KMT5B: variants seen among roughly 807,000 people sequenced by gnomAD.
KMT5B encodes the protein lysine methyltransferase 5B.
A neutral mutation model predicts 83.2 loss-of-function variants in KMT5B; 10 were observed. The observed-to-expected ratio is 0.12, with a 90% CI of 0.07 to 0.20. The LOEUF (loss-of-function observed/expected upper bound fraction) is 0.20, where lower values mean the gene tolerates loss of function less well. Among genes scored for constraint, KMT5B ranks in the 10% least tolerant of loss-of-function variants. The probability of loss-of-function intolerance (pLI) is 1.00; values close to 1 mark genes in which losing one functional copy is unlikely to be tolerated. For missense variants in KMT5B, 753 were observed against 1,067.2 expected (o/e 0.71, Z 4.10); for synonymous variants, 349 against 388.8 (o/e 0.90, Z 1.20).
At chr11:68,167,955 A>G (rs1256327204) in intron 9 of KMT5B, among the ~76,000 whole-genome samples, 1 of 152,094 alleles carries the variant, frequency 6.6e-6, no homozygotes, top group East Asian at 1.9e-4. Flanking sequence ...GCAGATCACG[A>G]GGTCAAGAGA....
chr11:68,207,885 G>T (rs71464345), intron 1 of KMT5B, among the ~76,000 whole-genome samples: 14,864 of 150,370 alleles, frequency 0.099, 808 homozygotes, highest in East Asian at 0.22. Flanking sequence ...TATTGCCCAG[G>T]CTGGAGTGCA....
intron 1 of KMT5B, among the ~76,000 whole-genome samples, chr11:68,202,731 T>C (rs555921060): frequency 1.3e-5 from 2 of 151,580 alleles, no homozygotes; most frequent in South Asian, 4.2e-4. Context: ...GTATTTTTAG[T>C]AGACACGGGG....
At chr11:68,194,198 T>G (rs1591034511) in intron 1 of KMT5B, among the ~76,000 whole-genome samples, 1 of 150,768 alleles carries the variant, frequency 6.6e-6, no homozygotes, top group Admixed American at 6.6e-5. Context: ...AGTTTTTTTT[T>G]TTTTTTTTTT....
chr11:68,165,812 G>A, intron 10 of KMT5B: 1 of 1,591,786 alleles, frequency 6.3e-7, no homozygotes, highest in Non-Finnish European at 8.6e-7. Flanking sequence ...GAAAAAGACT[G>A]GAATAGGGCT....
chr11:68,203,264 G>A (rs929253550), intron 1 of KMT5B, among the ~76,000 whole-genome samples: 2 of 152,208 alleles, frequency 1.3e-5, no homozygotes, highest in Middle Eastern at 3.2e-3. Flanking sequence ...GTGAGGCACC[G>A]CACCCGGCCC....
chr11:68,185,869 C>T lies in KMT5B; in HGVS notation c.220G>A (p.Ala74Thr), dbSNP rs1250854401. Residue 74 changes from alanine to threonine, a missense_variant, in exon 3 of 11, where the codon GCC becomes ACC. By Grantham distance (58) the Ala-to-Thr change is moderately conservative. Transcript: ENST00000304363. ...SRYVPSSGMS[A>T]KELCENDDLA... ...TCATCATTTTCACAGAGTTCCTTGG[C>T]GGACATTCCAGAGGATGGTACATAG... The T allele has an allele frequency of 6.2e-7, 1 of 1,614,022 alleles. No individual in the cohort carries two copies. The highest frequency in any genetic ancestry group is 8.5e-7 in the Non-Finnish European group (1 of 1,179,954).
At chr11:68,186,569 G>T (rs777012234) in intron 2 of KMT5B, among the ~76,000 whole-genome samples, 2 of 152,164 alleles carry the variant, frequency 1.3e-5, no homozygotes, top group Non-Finnish European at 2.9e-5. Context: ...AATTATGAAC[G>T]AATGGATAAA....
At chr11:68,172,777 T>C (rs1294148949) in intron 6 of KMT5B, among the ~76,000 whole-genome samples, 1 of 152,026 alleles carries the variant, frequency 6.6e-6, no homozygotes, top group East Asian at 1.9e-4. Flanking sequence ...ATAATCCAAC[T>C]AGCAGGCTCA....
intron 2 of KMT5B, among the ~76,000 whole-genome samples, chr11:68,188,860 G>A (rs2054351367): frequency 6.6e-6 from 1 of 152,132 alleles, no homozygotes; most frequent in Non-Finnish European, 1.5e-5. Context: ...GAGTGAGGCA[G>A]GATGAGGGTA....
chr11:68,195,927 T>G (rs1858645361), intron 1 of KMT5B, among the ~76,000 whole-genome samples: 2 of 152,136 alleles, frequency 1.3e-5, no homozygotes, highest in Non-Finnish European at 2.9e-5. Flanking sequence ...GAGGCCCAGG[T>G]GGGCAGATCA....
intron 1 of KMT5B, among the ~76,000 whole-genome samples, chr11:68,208,689 G>A (rs946453764): frequency 3.3e-5 from 5 of 151,944 alleles, no homozygotes; most frequent in African/African-American, 1.2e-4. Context: ...AATCAAAATT[G>A]TAAATATAAA....
chr11:68,158,523 C>A lies in KMT5B; in HGVS notation c.1823G>T (p.Gly608Val), dbSNP rs771292792. The change falls in exon 11 of 11, where the codon GGC becomes GTC. Residue 608 changes from glycine (G) to valine (V), a missense_variant. By Grantham distance (109) the Gly-to-Val change is moderately radical. Coordinates refer to ENST00000304363, the MANE Select transcript of KMT5B (RefSeq NM_017635.5). ...GEAKCHKSDT[G>V]MSKKKSRQGK... ...TTGTCGTGACTTCTTTTTGGACATGCCTGTGTCACTCTTATGACACTTTGC... is the reference window on the plus strand; with the variant it reads ...TTGTCGTGACTTCTTTTTGGACATGACTGTGTCACTCTTATGACACTTTGC... 2.5e-6 allele frequency: 4 copies of A among 1,614,164 alleles called. No homozygotes were observed. The highest frequency in any genetic ancestry group is 3.4e-6 in the Non-Finnish European group (4 of 1,180,028).
At chr11:68,194,677 T>C (rs1262373678) in intron 1 of KMT5B, among the ~76,000 whole-genome samples, 2 of 152,224 alleles carry the variant, frequency 1.3e-5, no homozygotes, top group South Asian at 2.1e-4. Flanking sequence ...CCATTTTATA[T>C]CCCTTCCTCA....
intron 1 of KMT5B, among the ~76,000 whole-genome samples, chr11:68,191,010 G>A (rs1214554350): frequency 6.6e-6 from 1 of 152,108 alleles, no homozygotes; most frequent in Non-Finnish European, 1.5e-5. Flanking sequence ...CTTTTTGTCT[G>A]TGTTTTGAGA....
chr11:68,167,296 C>A, intron 9 of KMT5B, 118 bp from the exon 10 acceptor site: 2 of 1,278,150 alleles, frequency 1.6e-6, no homozygotes, highest in Non-Finnish European at 2.1e-6. Context: ...AGGCCTTAAT[C>A]ACCACTGGAA....
At chr11:68,159,205 T>G in intron 10 of KMT5B, 34 bp from the exon 11 acceptor site, 2 of 1,521,312 alleles carry the variant, frequency 1.3e-6, no homozygotes, top group Non-Finnish European at 1.7e-6. Context: ...TGAAAAGCCT[T>G]GGTAACAGCA....
intron 3 of KMT5B, 104 bp from the exon 4 acceptor site, chr11:68,180,304 TAA>T: frequency 1.4e-6 from 2 of 1,442,482 alleles, no homozygotes; most frequent in Non-Finnish European, 1.9e-6. Flanking sequence ...CAAAAATCTT[TAA>T]AACTCTGTGA....
At chr11:68,190,258 T>C in intron 1 of KMT5B, 106 bp from the exon 2 acceptor site, 1 of 592,798 alleles carries the variant, frequency 1.7e-6, no homozygotes, top group Non-Finnish European at 3.0e-6. Flanking sequence ...AAAAGGACAG[T>C]CATTCACAGT....
In KMT5B at chr11:68,173,923, GAAA is replaced by G; in HGVS notation, c.544-13_544-11del. Reference sequence around the variant, plus strand: ...GCAAATAAATAAATACCTAAAACAGGAAAAAAAAATTGATAATGACTTTAAATG... The same window carrying G: ...GCAAATAAATAAATACCTAAAACAGGAAAAAATTGATAATGACTTTAAATG... On this transcript the variant is annotated splice_polypyrimidine_tract_variant and intron_variant, in intron 5 of 10. Coordinates refer to ENST00000304363, the MANE Select transcript of KMT5B (RefSeq NM_017635.5). The G allele has an allele frequency of 6.2e-6, 9 of 1,460,638 alleles. No homozygotes were observed. The highest frequency in any genetic ancestry group is 8.5e-6 in the Non-Finnish European group (9 of 1,062,490). 90.5% of individuals were successfully genotyped at this position (1,460,638 alleles called of 1,614,324 possible). A position where few individuals can be genotyped will look rare whatever the true frequency, so the allele number is the denominator to read the frequency against.
Sources: allele counts gnomAD v4.1 joint callset (sites outside exome capture counted in the v4.1 genomes callset), GRCh38; gene constraint gnomAD v4.1.1; transcripts MANE v1.5; gene names NCBI Gene and HGNC (gene_info 2026-07-23, HGNC 2026-07-21).